TDRP: variants seen among roughly 807,000 people sequenced by gnomAD.
TDRP encodes the protein testis development-related protein.
In TDRP, 12 loss-of-function variants were observed where a neutral mutation model predicts 10.5. The observed-to-expected ratio is 1.15, with a 90% CI of 0.73 to 1.86. The LOEUF is 1.86. Ranked by LOEUF, TDRP falls within the 40% of genes most tolerant of loss-of-function variation. TDRP has a pLI of 0.00. For synonymous variants in TDRP, 139 were observed against 95.4 expected (o/e 1.46, Z -2.67); for missense variants, 353 against 229.2 (o/e 1.54, Z -3.49).
At position 494,735 on chromosome 8, in the gene TDRP, G is replaced by A. The variant is rs573119059; in HGVS notation, c.109-138C>T. On this transcript the variant is annotated intron_variant, in intron 1 of 2. Coordinates refer to ENST00000324079, the MANE Select transcript of TDRP (RefSeq NM_001384899.1). ...ACATCTTAGCTTTCCATACCTGTGC[G>A]CACATAGTTTACTCCCATTAGCTAC... 8.3e-5 allele frequency: 59 copies of A among 710,096 alleles called. 2 individuals carry two copies. The highest frequency in any genetic ancestry group is 8.2e-4 in the South Asian group (44 of 53,982). 44.0% of individuals were successfully genotyped at this position (710,096 alleles called of 1,614,324 possible).
At chr8:510,176 G>T (rs139289826) in intron 1 of TDRP, among the ~76,000 whole-genome samples, 5 of 152,140 alleles carry the variant, frequency 3.3e-5, no homozygotes, top group Non-Finnish European at 7.3e-5. Context: ...AAATAGGTAC[G>T]CATAATTGGT....
rs531869038 is a variant in TDRP at position 511,984 on chromosome 8, A to C, written c.109-17387T>G. On this transcript the variant is annotated intron_variant, in intron 1 of 2. Transcript: ENST00000324079. ...AAAAAGATATCAAATCAATAACTTAAACTTCTATCTTAAGGCAGTGGAAAA... is the reference window on the plus strand; with the variant it reads ...AAAAAGATATCAAATCAATAACTTACACTTCTATCTTAAGGCAGTGGAAAA... Among the ~76,000 whole-genome samples the C allele has an allele frequency of 4.6e-5, 7 of 152,344 alleles. No homozygotes were observed. The East Asian group carries it at 9.6e-4, about 21-fold the overall frequency.
At chr8:512,470 T>C (rs1267811316) in intron 1 of TDRP, among the ~76,000 whole-genome samples, 1 of 151,828 alleles carries the variant, frequency 6.6e-6, no homozygotes, top group Non-Finnish European at 1.5e-5. Context: ...TGATAAATCT[T>C]GAAACTGACC....
chr8:545,445 C>T (rs1007356118), upstream of TDRP, among the ~76,000 whole-genome samples: 2 of 150,762 alleles, frequency 1.3e-5, no homozygotes, highest in African/African-American at 4.9e-5. Flanking sequence ...CCGGACTGCC[C>T]CCTCCCCCCA....
intron 1 of TDRP, among the ~76,000 whole-genome samples, chr8:510,202 A>G (rs1328887408): frequency 6.6e-6 from 1 of 152,188 alleles, no homozygotes; most frequent in African/African-American, 2.4e-5. Flanking sequence ...AATTGGCCAC[A>G]TGACTGCACT....
intron 1 of TDRP, among the ~76,000 whole-genome samples, chr8:503,546 T>C (rs1211717476): frequency 7.2e-6 from 1 of 139,378 alleles, no homozygotes; most frequent in Non-Finnish European, 1.5e-5. Context: ...CTGGAACCAA[T>C]GCCCACTCAC....
chr8:500,748 G>A (rs979204056), intron 1 of TDRP, among the ~76,000 whole-genome samples: 2 of 152,194 alleles, frequency 1.3e-5, no homozygotes, highest in Admixed American at 6.5e-5. Context: ...CTGGGAGAAA[G>A]CCTCCAGGCT....
chr8:493,249 T>C (rs1243624473), intron 2 of TDRP, among the ~76,000 whole-genome samples: 1 of 152,216 alleles, frequency 6.6e-6, no homozygotes, highest in Non-Finnish European at 1.5e-5. Context: ...AAGCGACAGC[T>C]AGGGAAGAAA....
At chr8:521,691 T>A (rs887121137) in intron 1 of TDRP, among the ~76,000 whole-genome samples, 1 of 152,192 alleles carries the variant, frequency 6.6e-6, no homozygotes, top group Admixed American at 6.5e-5. Context: ...TGTTTTTGTT[T>A]TTTTCTTTCT....
chr8:528,805 CTATGTGTGTGTGTATATGTGTGTATA>C (rs1192426674), intron 1 of TDRP, among the ~76,000 whole-genome samples: 1 of 151,752 alleles, frequency 6.6e-6, no homozygotes, highest in Non-Finnish European at 1.5e-5. Flanking sequence ...TTATATATAA[CTATGTGTGTGTGTATATGTGTGTATA>C]TATGTGTGTG....
At chr8:506,888 T>TG (rs770295475) in intron 1 of TDRP, among the ~76,000 whole-genome samples, 2 of 152,190 alleles carry the variant, frequency 1.3e-5, no homozygotes, top group African/African-American at 2.4e-5. Context: ...TTAGGAACAC[T>TG]GGAGTCTGTG....
chr8:531,770 C>T (rs2116856433), intron 1 of TDRP, among the ~76,000 whole-genome samples: 1 of 152,286 alleles, frequency 6.6e-6, no homozygotes, highest in African/African-American at 2.4e-5. Context: ...CTTCAGTCCA[C>T]AAGCTTAGTA....
At chr8:501,113 G>A (rs987006766) in intron 1 of TDRP, among the ~76,000 whole-genome samples, 12 of 151,898 alleles carry the variant, frequency 7.9e-5, no homozygotes, top group Non-Finnish European at 1.8e-4. Context: ...GCTGAGGCAG[G>A]AGAATGGCGT....
At chr8:539,092 A>C (rs1235893169) in intron 1 of TDRP, among the ~76,000 whole-genome samples, 3 of 152,236 alleles carry the variant, frequency 2.0e-5, no homozygotes, top group Non-Finnish European at 4.4e-5. Context: ...ATTTGTATTT[A>C]AAATCCTGTA....
rs186219064 is a variant in TDRP, at chr8:491,548, T to C, written c.*851A>G. On this transcript the variant is annotated 3_prime_UTR_variant, in exon 3 of 3. Transcript: ENST00000324079. The stretch of plus-strand genomic sequence containing the variant: ...ATCTCGCTTTGCAAGAACAAACATA[T>C]GAGCCTAATAAAAAAGAGGCACTTC... The C allele has an allele frequency of 1.4e-3, 1,948 of 1,429,284 alleles. 5 individuals are homozygous for C. The highest frequency in any genetic ancestry group is 3.2e-3 in the Middle Eastern group (18 of 5,692). 88.5% of individuals were successfully genotyped at this position (1,429,284 alleles called of 1,614,324 possible). A position where few individuals can be genotyped will look rare whatever the true frequency, so the allele number is the denominator to read the frequency against.
chr8:538,275 G>A (rs946600000), intron 1 of TDRP, among the ~76,000 whole-genome samples: 1 of 152,218 alleles, frequency 6.6e-6, no homozygotes, highest in African/African-American at 2.4e-5. Flanking sequence ...GCCAGGGGAT[G>A]AGGAACTCAA....
At chr8:523,728 G>C (rs1801965410) in intron 1 of TDRP, among the ~76,000 whole-genome samples, 1 of 152,136 alleles carries the variant, frequency 6.6e-6, no homozygotes, top group African/African-American at 2.4e-5. Context: ...AAAGGGGAGG[G>C]AAGAGTGGGA....
At position 529,780 on chromosome 8, in the gene TDRP, C is replaced by G. The variant is rs116691317; in HGVS notation, c.108+14870G>C. Among the ~76,000 whole-genome samples, 128 of 152,248 alleles carry G rather than the reference C, an allele frequency of 8.4e-4. 1 individual carries two copies. The highest frequency in any genetic ancestry group is 6.8e-3 in the Middle Eastern group (2 of 294). On this transcript the variant is annotated intron_variant, in intron 1 of 2. Coordinates refer to ENST00000324079, the MANE Select transcript of TDRP (RefSeq NM_001384899.1). Reference sequence around the variant, plus strand: ...CCTTGTTATATGACAAGTTGCTTTTCTCTTTCTTCTTTCAAAATTCTCTAC... The same window carrying G: ...CCTTGTTATATGACAAGTTGCTTTTGTCTTTCTTCTTTCAAAATTCTCTAC...
chr8:545,289 G>A (rs35830961), upstream of TDRP, among the ~76,000 whole-genome samples: 22,107 of 69,354 alleles, frequency 0.32, 3,080 homozygotes, highest in East Asian at 0.5. Context: ...ACCCGGAAAC[G>A]CCCCCATCCT....
Sources: gnomAD v4.1 joint callset for allele counts (sites outside exome capture counted in the v4.1 genomes callset) on GRCh38, gnomAD v4.1.1 for gene constraint, MANE v1.5 for transcripts, NCBI Gene and HGNC (gene_info 2026-07-23, HGNC 2026-07-21) for gene names.